PCDHA4: variants seen among roughly 807,000 people sequenced by gnomAD.
PCDHA4 encodes protocadherin alpha-4.
PCDHA4 carries 49 observed loss-of-function variants against 61.4 expected under a neutral mutation model. The observed-to-expected ratio is 0.80, with a 90% confidence interval of 0.63 to 1.01. PCDHA4 has a LOEUF of 1.01. PCDHA4 is among the 50% of genes least tolerant of loss of function. The pLI, the probability that PCDHA4 is intolerant of heterozygous loss-of-function variation, is 0.00. For synonymous variants in PCDHA4, 590 were observed against 550.3 expected (o/e 1.07, Z -1.01); for missense variants, 1,254 against 1,235.8 (o/e 1.01, Z -0.22).
In PCDHA4 at chr5:140,875,579, A is replaced by C. The variant is rs552791418; in HGVS notation, c.2385+66007A>C. ...AGCGGCCAGCTCCACTACTCCGTCTACGAGGAGGCCAAACACGGCACCTTC... is the reference window on the plus strand; with the variant it reads ...AGCGGCCAGCTCCACTACTCCGTCTCCGAGGAGGCCAAACACGGCACCTTC... On this transcript the variant is annotated intron_variant, in intron 1 of 3. Coordinates refer to ENST00000530339, the MANE Select transcript of PCDHA4 (RefSeq NM_018907.4). The C allele has an allele frequency of 9.3e-6, 15 of 1,614,050 alleles. No individual in the cohort carries two copies. Among genetic ancestry groups the C allele is most frequent in the East Asian group, 6.7e-5 (3 of 44,884 alleles).
Position 140,807,980 on chromosome 5 carries a change from A to G in PCDHA4, c.793A>G (p.Asn265Asp), listed in dbSNP as rs1764075341. ...TAATGGAACATTGGTAATTAAACTT[A>G]ACGCCTCAGATTTAGACGAAGGATT... Reference protein sequence around the residue: ...VPNGTLVIKLNASDLDEGLNG... With the variant: ...VPNGTLVIKLDASDLDEGLNG... The change falls in exon 1 of 4, where the codon AAC becomes GAC. Residue 265 changes from asparagine to aspartate, a missense_variant. Transcript: ENST00000530339. The G allele has an allele frequency of 1.2e-6, 2 of 1,613,730 alleles. No individual in the cohort carries two copies. Among genetic ancestry groups the G allele is most frequent in the Non-Finnish European group, 1.7e-6 (2 of 1,179,618 alleles).
chr5:140,971,401 G>A (rs2096476846), intron 1 of PCDHA4, among the ~76,000 whole-genome samples: 1 of 152,164 alleles, frequency 6.6e-6, no homozygotes, highest in Admixed American at 6.5e-5. Context: ...ATTTCTGCCA[G>A]GCACTTTTGG....
intron 1 of PCDHA4, chr5:140,860,649 AG>A (rs2046495256): frequency 1.3e-5 from 2 of 152,282 alleles, no homozygotes; most frequent in Non-Finnish European, 2.9e-5. Context: ...GAAGAAGATA[AG>A]TGAAATAATA....
At chr5:140,870,277 G>T (rs367959983) in intron 1 of PCDHA4, 4 of 1,614,168 alleles carry the variant, frequency 2.5e-6, no homozygotes, top group Non-Finnish European at 3.4e-6. Context: ...GACGCCCCAC[G>T]TTCCCTTCAA....
chr5:140,909,690 G>T (rs2074638063), intron 1 of PCDHA4, among the ~76,000 whole-genome samples: 1 of 152,280 alleles, frequency 6.6e-6, no homozygotes, highest in African/African-American at 2.4e-5. Context: ...CAATGTGGGG[G>T]TTCTGCTAGC....
chr5:141,009,955 A>G lies in PCDHA4; in HGVS notation c.*18A>G, dbSNP rs782282264. 6.3e-7 allele frequency: 1 copy of G among 1,592,418 alleles called. No individual in the cohort carries two copies. Among genetic ancestry groups the G allele is most frequent in the African/African-American group, 1.4e-5 (1 of 73,350 alleles). ...ACCAGTGAGGTCCTCAAATGGAAAC[A>G]AGCCACTTAGCCAGTTTTTGTAATA... On this transcript the variant is annotated 3_prime_UTR_variant, in exon 4 of 4. Transcript: ENST00000530339.
At chr5:140,919,982 G>GA (rs35005979) in intron 1 of PCDHA4, among the ~76,000 whole-genome samples, 49,705 of 152,056 alleles carry the variant, frequency 0.33, 8,403 homozygotes, top group East Asian at 0.53. Flanking sequence ...GATAGAAGAT[G>GA]GAAAACAGAC....
intron 1 of PCDHA4, chr5:140,968,736 A>G (rs1047961532): frequency 3.1e-6 from 5 of 1,614,098 alleles, no homozygotes; most frequent in East Asian, 2.2e-5. Context: ...AGCACTTTCA[A>G]CCTGACCGTG....
At chr5:140,844,817 G>C (rs1468939378) in intron 1 of PCDHA4, among the ~76,000 whole-genome samples, 1 of 148,814 alleles carries the variant, frequency 6.7e-6, no homozygotes. Flanking sequence ...ATTTCTTCTT[G>C]TCTTTTTACA....
chr5:140,977,122 AG>A (rs2096747423), intron 1 of PCDHA4, among the ~76,000 whole-genome samples: 1 of 152,226 alleles, frequency 6.6e-6, no homozygotes, highest in South Asian at 2.1e-4. Flanking sequence ...TAATGAACTG[AG>A]TTTCCTGGTC....
At chr5:140,957,398 TTTA>T (rs2095356378) in intron 1 of PCDHA4, among the ~76,000 whole-genome samples, 1 of 152,304 alleles carries the variant, frequency 6.6e-6, no homozygotes, top group South Asian at 2.1e-4. Context: ...ATTGTCCTAA[TTTA>T]TTATTATTGT....
intron 1 of PCDHA4, chr5:140,868,837 C>A (rs543405019): frequency 2.7e-4 from 116 of 427,288 alleles, no homozygotes; most frequent in Non-Finnish European, 3.6e-4. Context: ...AAACCCAAAA[C>A]ACGTGAAATT....
Position 140,809,179 on chromosome 5 carries a change from T to C in PCDHA4, c.1992T>C (p.Thr664=), listed in dbSNP as rs782035761. 8.7e-6 allele frequency: 14 copies of C among 1,613,886 alleles called. No homozygotes were observed. In the African/African-American group the frequency reaches 9.3e-5, roughly 11 times the overall value. The part of the protein sequence containing the change: ...HGEPALTATA[T]VLVSLVESGQ... ...AGCCCGCGCTGACGGCCACGGCCAC[T>C]GTGCTGGTGTCACTTGTGGAGAGTG... The change falls in exon 1 of 4, where the codon ACT becomes ACC. Residue 664 remains threonine, a synonymous_variant. Transcript: ENST00000530339.
intron 1 of PCDHA4, chr5:140,967,908 A>T (rs554849478): frequency 6.2e-7 from 1 of 1,614,138 alleles, no homozygotes; most frequent in Non-Finnish European, 8.5e-7. Context: ...GCTACACCCA[A>T]CACCATTGTG....
chr5:140,954,543 A>G (rs1344952646), intron 1 of PCDHA4, among the ~76,000 whole-genome samples: 1 of 151,924 alleles, frequency 6.6e-6, no homozygotes, highest in Non-Finnish European at 1.5e-5. Flanking sequence ...TTTTTTTCAT[A>G]TGTTTGTTGG....
intron 1 of PCDHA4, among the ~76,000 whole-genome samples, chr5:140,898,087 T>C (rs1480771668): frequency 2.6e-5 from 4 of 152,150 alleles, no homozygotes; most frequent in Non-Finnish European, 5.9e-5. Flanking sequence ...TTCTGGATAT[T>C]AGCCCTTTGT....
At chr5:140,904,642 C>G (rs1257685945) in intron 1 of PCDHA4, among the ~76,000 whole-genome samples, 2 of 152,132 alleles carry the variant, frequency 1.3e-5, no homozygotes, top group Non-Finnish European at 2.9e-5. Context: ...AATCTCCACA[C>G]TGTTTTCCAT....
chr5:140,836,884 T>C (rs1387111400), intron 1 of PCDHA4: 2 of 642,656 alleles, frequency 3.1e-6, no homozygotes, highest in African/African-American at 3.7e-5. Context: ...TTGCACTAAT[T>C]ATTTGGAAGT....
rs2150419460 is a variant in PCDHA4 at position 140,848,757 on chromosome 5, T to C, written c.2385+39185T>C. 2.5e-6 allele frequency: 4 copies of C among 1,593,378 alleles called. No individual in the cohort carries two copies. In the South Asian group the frequency reaches 4.4e-5, roughly 18 times the overall value. Reference sequence around the variant, plus strand: ...GCAGAATGGCATTTTGTTTGTGAATTCTCGGATCGACCGCGAGGAGCTGTG... The same window carrying C: ...GCAGAATGGCATTTTGTTTGTGAATCCTCGGATCGACCGCGAGGAGCTGTG... On this transcript the variant is annotated intron_variant, in intron 1 of 3. Transcript: ENST00000530339.
Sources: allele counts gnomAD v4.1 joint callset (sites outside exome capture counted in the v4.1 genomes callset), GRCh38; gene constraint gnomAD v4.1.1; transcripts MANE v1.5; gene names NCBI Gene and HGNC (gene_info 2026-07-23, HGNC 2026-07-21).